SMURF2: variants seen among roughly 807,000 people sequenced by gnomAD.
The protein encoded by SMURF2 is E3 ubiquitin-protein ligase SMURF2.
In SMURF2, 48 loss-of-function variants were observed where a neutral mutation model predicts 109.6. The observed-to-expected ratio is 0.44, with a 90% CI of 0.35 to 0.56. The LOEUF (loss-of-function observed/expected upper bound fraction) is 0.56, where lower values mean the gene tolerates loss of function less well. SMURF2 is among the 20% of genes least tolerant of loss of function. SMURF2 has a pLI of 0.01. For missense variants in SMURF2, 575 were observed against 909.0 expected (o/e 0.63, Z 4.72); for synonymous variants, 288 against 317.1 (o/e 0.91, Z 0.97).
chr17:64,571,713 C>T (rs1363738946), intron 10 of SMURF2, 85 bp downstream of exon 10: 4 of 1,356,448 alleles, frequency 2.9e-6, no homozygotes, highest in Admixed American at 4.6e-5. Flanking sequence ...GCCACTGTAT[C>T]GAGACTCACA....
At chr17:64,636,668 A>G (rs1970421053) in intron 1 of SMURF2, among the ~76,000 whole-genome samples, 1 of 150,452 alleles carries the variant, frequency 6.6e-6, no homozygotes, top group African/African-American at 2.4e-5. Flanking sequence ...AGTCCCAGCT[A>G]CTCAGGAGGC....
intron 1 of SMURF2, among the ~76,000 whole-genome samples, chr17:64,645,149 G>T (rs1283540140): frequency 1.3e-5 from 2 of 152,120 alleles, no homozygotes; most frequent in Non-Finnish European, 2.9e-5. Context: ...TTTAAGAAAA[G>T]ACAAGGAGTT....
intron 1 of SMURF2, among the ~76,000 whole-genome samples, chr17:64,632,520 G>T (rs1970365070): frequency 6.6e-6 from 1 of 152,140 alleles, no homozygotes; most frequent in Admixed American, 6.5e-5. Flanking sequence ...AAAGAGAGAT[G>T]GGCAGGAAAC....
intron 1 of SMURF2, among the ~76,000 whole-genome samples, chr17:64,615,892 C>T (rs372354350): frequency 1.2e-4 from 19 of 152,096 alleles, no homozygotes; most frequent in African/African-American, 1.7e-4. Context: ...TGCAATGGCG[C>T]GATCTCAGCT....
At chr17:64,593,368 T>C (rs1969774668) in intron 4 of SMURF2, 72 bp downstream of exon 4, 24 of 1,384,876 alleles carry the variant, frequency 1.7e-5, no homozygotes, top group Non-Finnish European at 1.8e-5. Context: ...TGTATATATG[T>C]ATATGCACAA....
chr17:64,571,572 A>G (rs1969399509), intron 10 of SMURF2, among the ~76,000 whole-genome samples: 1 of 152,024 alleles, frequency 6.6e-6, no homozygotes. Context: ...CACCCAGCTA[A>G]TTTTTTAATT....
chr17:64,589,542 G>A lies in SMURF2; in HGVS notation c.400+1542C>T, dbSNP rs550512690. ...TTAGGAACCCGGCCGCACAACAGGA[G>A]TGAGTGGCAGGTGAGTGAGCATTAC... On this transcript the variant is annotated intron_variant, in intron 5 of 18. Transcript: ENST00000262435. Among the ~76,000 whole-genome samples, 23 of 152,160 alleles carry A rather than the reference G, an allele frequency of 1.5e-4. No individual in the cohort carries two copies. In the South Asian group the frequency reaches 4.8e-3, roughly 32 times the overall value.
At chr17:64,645,123 A>G (rs1203302384) in intron 1 of SMURF2, among the ~76,000 whole-genome samples, 2 of 152,210 alleles carry the variant, frequency 1.3e-5, no homozygotes, top group African/African-American at 4.8e-5. Context: ...ACTTGGAGAT[A>G]CAAGAGATTA....
At chr17:64,620,958 A>G (rs1284185428) in intron 1 of SMURF2, among the ~76,000 whole-genome samples, 1 of 152,174 alleles carries the variant, frequency 6.6e-6, no homozygotes, top group Admixed American at 6.5e-5. Context: ...GGCTTCCTTA[A>G]CTATTCATAA....
In SMURF2 at chr17:64,562,242, G is replaced by A. The variant is rs533007323; in HGVS notation, c.1212+529C>T. On this transcript the variant is annotated intron_variant, in intron 11 of 18. Coordinates refer to ENST00000262435, the MANE Select transcript of SMURF2 (RefSeq NM_022739.4). ...CAGGAGGCAGAGGTTGCAGTGAGCTGAGATTGCGTCACTGCACTCCAGCCT... is the reference window on the plus strand; with the variant it reads ...CAGGAGGCAGAGGTTGCAGTGAGCTAAGATTGCGTCACTGCACTCCAGCCT... Among the ~76,000 whole-genome samples, 31 of 113,712 alleles carry A rather than the reference G, an allele frequency of 2.7e-4. No homozygotes were observed. In the East Asian group the frequency reaches 8.7e-3, roughly 32 times the overall value. 74.6% of individuals were successfully genotyped at this position (113,712 alleles called of 152,430 possible). A position where few individuals can be genotyped will look rare whatever the true frequency, so the allele number is the denominator to read the frequency against.
At chr17:64,598,232 G>T in intron 3 of SMURF2, 150 bp downstream of exon 3, 1 of 537,652 alleles carries the variant, frequency 1.9e-6, no homozygotes, top group Non-Finnish European at 3.1e-6. Context: ...ATAAGCCAAA[G>T]CACATTCCCA....
At position 64,582,048 on chromosome 17, in the gene SMURF2, C is replaced by T. The variant is rs1176882297; in HGVS notation, c.570-1057G>A. On this transcript the variant is annotated intron_variant, in intron 7 of 18. Transcript: ENST00000262435. ...AGCTAATTTTACTGGTTAAATGAGT[C>T]AGAAGGAAATTGGTGTTCAAGTGAA... Among the ~76,000 whole-genome samples, 4 of 151,950 alleles carry T rather than the reference C, an allele frequency of 2.6e-5. No individual in the cohort carries two copies. In the East Asian group the frequency reaches 7.7e-4, roughly 29 times the overall value.
chr17:64,548,352 A>G (rs982442025), intron 16 of SMURF2, among the ~76,000 whole-genome samples: 4 of 152,152 alleles, frequency 2.6e-5, no homozygotes, highest in African/African-American at 9.7e-5. Context: ...GAAACTTCAG[A>G]AATGGGTGTT....
At chr17:64,632,930 G>GT (rs1370958052) in intron 1 of SMURF2, among the ~76,000 whole-genome samples, 1 of 152,224 alleles carries the variant, frequency 6.6e-6, no homozygotes, top group African/African-American at 2.4e-5. Flanking sequence ...TAGGTAAAGA[G>GT]TTTCTTAAAA....
At chr17:64,630,577 A>T (rs1555691496) in intron 1 of SMURF2, among the ~76,000 whole-genome samples, 1 of 152,202 alleles carries the variant, frequency 6.6e-6, no homozygotes, top group Admixed American at 6.5e-5. Context: ...CTAAAACCTT[A>T]TATTTAAAGG....
intron 7 of SMURF2, among the ~76,000 whole-genome samples, chr17:64,582,875 A>G (rs1467221985): frequency 6.6e-6 from 1 of 150,672 alleles, no homozygotes; most frequent in African/African-American, 2.4e-5. Context: ...TTGGGCTTAC[A>G]GTGGTGAGCC....
intron 2 of SMURF2, among the ~76,000 whole-genome samples, chr17:64,599,105 G>A (rs1310083686): frequency 3.3e-5 from 5 of 152,108 alleles, no homozygotes; most frequent in African/African-American, 9.7e-5. Flanking sequence ...TGATTGTAAC[G>A]CAAACACTTA....
intron 3 of SMURF2, 44 bp from the exon 4 acceptor site, chr17:64,593,617 C>T: frequency 6.9e-7 from 1 of 1,441,486 alleles, no homozygotes; most frequent in Non-Finnish European, 9.2e-7. Flanking sequence ...TAGTTACAGG[C>T]AGTTGGCGTA....
In SMURF2 at chr17:64,627,544, T is replaced by C. The variant is rs141431605; in HGVS notation, c.53-20904A>G. Among the ~76,000 whole-genome samples, 815 of 152,282 alleles carry C rather than the reference T, an allele frequency of 5.4e-3. 8 individuals carry two copies. Among genetic ancestry groups the C allele is most frequent in the African/African-American group, 0.017 (726 of 41,542 alleles). On this transcript the variant is annotated intron_variant, in intron 1 of 18. Coordinates refer to ENST00000262435, the MANE Select transcript of SMURF2 (RefSeq NM_022739.4). ...TTCTCCATTAGACCACTTTTCAAAG[T>C]ATATAGCTACTGAACTACACGCAGA...
Sources: allele counts gnomAD v4.1 joint callset (sites outside exome capture counted in the v4.1 genomes callset), GRCh38; gene constraint gnomAD v4.1.1; transcripts MANE v1.5; gene names NCBI Gene and HGNC (gene_info 2026-07-23, HGNC 2026-07-21).